Variants in ABCA3 observed in about 807,000 individuals in gnomAD.
ABCA3 encodes phospholipid-transporting ATPase ABCA3.
A neutral mutation model predicts 172.8 loss-of-function variants in ABCA3; 88 were observed. The ratio of observed to expected loss-of-function variants is 0.51; its 90% CI spans 0.43 to 0.61. The LOEUF is 0.61. Among genes scored for constraint, ABCA3 ranks in the 20% least tolerant of loss-of-function variants. The probability of loss-of-function intolerance (pLI) is 0.00; values close to 1 mark genes in which losing one functional copy is unlikely to be tolerated. For synonymous variants in ABCA3, 1,066 were observed against 983.8 expected (o/e 1.08, Z -1.56); for missense variants, 2,164 against 2,301.0 (o/e 0.94, Z 1.22).
chr16:2,288,395 C>T, intron 20 of ABCA3, 66 bp from the exon 21 acceptor site: 2 of 1,506,542 alleles, frequency 1.3e-6, no homozygotes, highest in South Asian at 2.5e-5. Flanking sequence ...CCCCACCCAC[C>T]TGCGGCAGGT....
intron 7 of ABCA3, among the ~76,000 whole-genome samples, chr16:2,320,919 T>A (rs904255565): frequency 1.3e-5 from 2 of 152,140 alleles, no homozygotes; most frequent in African/African-American, 2.4e-5. Context: ...CAAAACTTTT[T>A]TTCTCTAACA....
chr16:2,325,698 T>C (rs1163406935), intron 5 of ABCA3, among the ~76,000 whole-genome samples: 1 of 152,214 alleles, frequency 6.6e-6, no homozygotes, highest in Admixed American at 6.5e-5. Flanking sequence ...CTGGGGCAAC[T>C]GCAGGCAGGT....
At position 2,295,655 on chromosome 16, in the gene ABCA3, G is replaced by A. The variant is rs770587856; in HGVS notation, c.2349C>T (p.Asn783=). Residue 783 remains asparagine, a synonymous_variant, in exon 18 of 33, where the codon AAC becomes AAT. Transcript: ENST00000301732. ...CCCCAGCGCTGCTCTCCAGCGTGGC[G>A]TTGGGCACGTGGTGGTGGACCAGCT... ...ISQLVHHHVP[N]ATLESSAGAE... is the part of the protein sequence containing the mutation. 1.1e-5 allele frequency: 17 copies of A among 1,613,956 alleles called. No individual in the cohort carries two copies. The highest frequency in any genetic ancestry group is 6.7e-5 in the East Asian group (3 of 44,900).
Position 2,332,527 on chromosome 16 carries a change from C to A in ABCA3, c.-538-2673G>T. 3.0e-6 allele frequency: 3 copies of A among 994,442 alleles called. No homozygotes were observed. The South Asian group carries it at 4.0e-5, about 13-fold the overall frequency. The allele number at this position is 994,442 out of a possible 1,614,324, so 61.6% of individuals were successfully genotyped here. A position where few individuals can be genotyped will look rare whatever the true frequency, so the allele number is the denominator to read the frequency against. On this transcript the variant is annotated intron_variant, in intron 1 of 32. Transcript: ENST00000301732. ...GGTAGCATAAATCTGGGCCACATGA[C>A]CACCACCCTCCACACGGACACGAAT... is the stretch of plus-strand genomic sequence containing the variant.
At chr16:2,337,953 G>A (rs917463517) in intron 1 of ABCA3, among the ~76,000 whole-genome samples, 1 of 152,356 alleles carries the variant, frequency 6.6e-6, no homozygotes, top group East Asian at 1.9e-4. Context: ...TTAAGCCAGA[G>A]ACGTGGTTCC....
intron 18 of ABCA3, among the ~76,000 whole-genome samples, chr16:2,293,784 A>C (rs1420283169): frequency 6.7e-6 from 1 of 149,810 alleles, no homozygotes; most frequent in Non-Finnish European, 1.5e-5. Flanking sequence ...CTCGTGATCC[A>C]CCCGCTTCGG....
rs768282471 is a variant in ABCA3 at position 2,283,206 on chromosome 16, G to A, written c.4015C>T (p.Leu1339Phe). ...CTCACCAGTGTCCGCCTCCTCCGGA[G>A]GGCGCAGAGGATGCCCCTGAGTCTC... is the stretch of plus-strand genomic sequence containing the variant. ...LQRLRGILCA[L>F]RRRRTLTELY... is the part of the protein sequence containing the mutation. Residue 1339 changes from leucine to phenylalanine, a missense_variant, in exon 26 of 33, where the codon CTC becomes TTC. By Grantham distance (22) the Leu-to-Phe change is conservative. Transcript: ENST00000301732. The surrounding 1 kb of genome is among the most constrained non-coding windows in gnomAD (Gnocchi z 5.4). The A allele has an allele frequency of 1.9e-6, 3 of 1,613,168 alleles. No individual in the cohort carries two copies. The highest frequency in any genetic ancestry group is 2.5e-6 in the Non-Finnish European group (3 of 1,179,986).
chr16:2,332,535 C>T (rs984191269), intron 1 of ABCA3: 2 of 1,032,268 alleles, frequency 1.9e-6, no homozygotes, highest in Admixed American at 3.5e-5. Context: ...GACCACCACC[C>T]TCCACACGGA....
Position 2,286,598 on chromosome 16 carries a change from A to G in ABCA3, c.3278+96T>C. The G allele has an allele frequency of 2.0e-6, 3 of 1,514,726 alleles. No homozygotes were observed. Among genetic ancestry groups the G allele is most frequent in the Non-Finnish European group, 9.0e-7 (1 of 1,113,650 alleles). 93.8% of individuals were successfully genotyped at this position (1,514,726 alleles called of 1,614,324 possible). A position where few individuals can be genotyped will look rare whatever the true frequency, so the allele number is the denominator to read the frequency against. Reference sequence around the variant, plus strand: ...CCAGACCCAGGGGCTTTGGGAGGGCAGACACAATGCTCTATCTATGGGCCC... The same window carrying G: ...CCAGACCCAGGGGCTTTGGGAGGGCGGACACAATGCTCTATCTATGGGCCC... On this transcript the variant is annotated intron_variant, in intron 22 of 32. Coordinates refer to ENST00000301732, the MANE Select transcript of ABCA3 (RefSeq NM_001089.3). This position sits in a 1 kb window ranked among gnomAD's most constrained non-coding sequence, Gnocchi z 5.2.
chr16:2,279,259 A>T lies in ABCA3; in HGVS notation c.4360-129T>A, dbSNP rs1471251716. 1.6e-5 allele frequency: 18 copies of T among 1,132,770 alleles called. No homozygotes were observed. Among genetic ancestry groups the T allele is most frequent in the Non-Finnish European group, 2.3e-5 (18 of 788,674 alleles). 70.2% of individuals were successfully genotyped at this position (1,132,770 alleles called of 1,614,324 possible). A position where few individuals can be genotyped will look rare whatever the true frequency, so the allele number is the denominator to read the frequency against. ...CTGTGGTTCCTGCCAGTGTGTGTAC[A>T]CGGGGGCGCTGGAGCTATGCACAGG... On this transcript the variant is annotated intron_variant, in intron 28 of 32. Coordinates refer to ENST00000301732, the MANE Select transcript of ABCA3 (RefSeq NM_001089.3). The surrounding 1 kb of genome is among the most constrained non-coding windows in gnomAD (Gnocchi z 4.4).
Position 2,281,144 on chromosome 16 carries a change from C to T in ABCA3, c.4242G>A (p.Leu1414=), listed in dbSNP as rs200566505. The T allele has an allele frequency of 9.3e-6, 15 of 1,613,904 alleles. No individual in the cohort carries two copies. In the South Asian group the frequency reaches 1.3e-4, roughly 14 times the overall value. Residue 1414 remains leucine, a synonymous_variant, in exon 28 of 33, where the codon CTG becomes CTA. Transcript: ENST00000301732. This position sits in a 1 kb window ranked among gnomAD's most constrained non-coding sequence, Gnocchi z 4.7. ...TCTTCCCGGCTCCATTGAAGCCCAGCAGGCCGAAGCACTCCCCTTTCTGCA... is the reference window on the plus strand; with the variant it reads ...TCTTCCCGGCTCCATTGAAGCCCAGTAGGCCGAAGCACTCCCCTTTCTGCA... ...LAVQKGECFG[L]LGFNGAGKTT...
chr16:2,279,742 ATTTTTT>A lies in ABCA3; in HGVS notation c.4360-618_4360-613del, dbSNP rs556253061. Among the ~76,000 whole-genome samples the A allele has an allele frequency of 7.1e-6, 1 of 140,110 alleles. No homozygotes were observed. Among genetic ancestry groups the A allele is most frequent in the Non-Finnish European group, 1.6e-5 (1 of 64,050 alleles). 91.9% of individuals were successfully genotyped at this position (140,110 alleles called of 152,430 possible). On this transcript the variant is annotated intron_variant, in intron 28 of 32. Transcript: ENST00000301732. The surrounding 1 kb of genome is among the most constrained non-coding windows in gnomAD (Gnocchi z 4.4). The stretch of plus-strand genomic sequence containing the variant: ...TCTTTGGGGTTCTCAAGCTTCCAGA[ATTTTTT>A]TTTTTTTTTTTGAGACAGAGTCTTA...
Position 2,285,558 on chromosome 16 carries a change from T to C in ABCA3, c.3367A>G (p.Arg1123Gly). The C allele has an allele frequency of 6.3e-7, 1 of 1,586,270 alleles. No individual in the cohort carries two copies. The highest frequency in any genetic ancestry group is 8.6e-7 in the Non-Finnish European group (1 of 1,165,906). ...STFSILAVSE[R>G]AVQAKHVQFV... Reference sequence around the variant, plus strand: ...TGCACATGCTTGGCCTGCACGGCCCTCTCGCTGACCGCCAGGATGGAGAAC... The same window carrying C: ...TGCACATGCTTGGCCTGCACGGCCCCCTCGCTGACCGCCAGGATGGAGAAC... Residue 1123 changes from arginine (R) to glycine (G), a missense_variant, in exon 23 of 33, where the codon AGG (arginine) becomes GGG (glycine). By Grantham distance (125) the Arg-to-Gly change is moderately radical. This residue lies in a region of ABCA3 where 795 missense variants were observed against 881.9 expected (regional missense o/e 0.90). Transcript: ENST00000301732. This position sits in a 1 kb window ranked among gnomAD's most constrained non-coding sequence, Gnocchi z 4.7.
chr16:2,289,404 C>A, intron 20 of ABCA3, 30 bp downstream of exon 20: 1 of 1,555,386 alleles, frequency 6.4e-7, no homozygotes, highest in East Asian at 2.3e-5. Flanking sequence ...GCCCTTCCCC[C>A]GCCACCCGCC....
At chr16:2,293,053 T>C (rs995069369) in intron 18 of ABCA3, among the ~76,000 whole-genome samples, 1 of 152,128 alleles carries the variant, frequency 6.6e-6, no homozygotes, top group Admixed American at 6.6e-5. Flanking sequence ...AAATACCTTT[T>C]TTTTTCTTTT....
At chr16:2,318,663 C>T (rs940156135) in intron 8 of ABCA3, among the ~76,000 whole-genome samples, 9 of 152,056 alleles carry the variant, frequency 5.9e-5, no homozygotes, top group Non-Finnish European at 1.3e-4. Flanking sequence ...CAGGTGCATG[C>T]TACCACGCCT....
intron 7 of ABCA3, among the ~76,000 whole-genome samples, chr16:2,321,713 A>C (rs1447900838): frequency 6.6e-6 from 1 of 152,104 alleles, no homozygotes; most frequent in African/African-American, 2.4e-5. Context: ...GGTCCACACG[A>C]AGACACACAC....
intron 1 of ABCA3, chr16:2,339,348 A>G (rs1359951639): frequency 6.6e-6 from 1 of 152,236 alleles, no homozygotes; most frequent in East Asian, 1.9e-4. Context: ...CACTTTAGGA[A>G]GGGAGAGACG....
chr16:2,276,745 G>C lies in ABCA3; in HGVS notation c.5044C>G (p.Gln1682Glu), dbSNP rs752036352. ...KYGVDDYSVS[Q>E]ISLEQVFLSF... is the part of the protein sequence containing the mutation. ...AGGAAGACCTGTTCCAGCGAGATCTGGCTCACGGAGTAGTCGTCCACGCCG... is the reference window on the plus strand; with the variant it reads ...AGGAAGACCTGTTCCAGCGAGATCTCGCTCACGGAGTAGTCGTCCACGCCG... Residue 1682 changes from glutamine (Q) to glutamate (E), a missense_variant, in exon 33 of 33, where the codon CAG (glutamine) becomes GAG (glutamate). Around this residue, in one of 3 missense-constraint regions of ABCA3, gnomAD observed 795 missense variants for 881.9 expected, o/e 0.90. Transcript: ENST00000301732. 6.2e-7 allele frequency: 1 copy of C among 1,614,056 alleles called. No individual in the cohort carries two copies. The highest frequency in any genetic ancestry group is 1.7e-5 in the Admixed American group (1 of 60,028).
Sources: allele counts gnomAD v4.1 joint callset (sites outside exome capture counted in the v4.1 genomes callset), GRCh38; gene constraint gnomAD v4.1.1; regional missense constraint gnomAD v4.1.1; non-coding constraint Gnocchi (gnomAD v3.1); transcripts MANE v1.5; gene names NCBI Gene and HGNC (gene_info 2026-07-23, HGNC 2026-07-21).